The following CREB5 variants were observed in gnomAD, a reference collection of about 807,000 sequenced individuals.
CREB5 encodes cyclic AMP-responsive element-binding protein 5.
In CREB5, 19 loss-of-function variants were observed where a neutral mutation model predicts 57.1. The observed-to-expected ratio is 0.33, with a 90% CI of 0.23 to 0.49. CREB5 has a LOEUF of 0.49. Ranked by LOEUF, CREB5 falls within the 20% of genes least tolerant of loss-of-function variation. The pLI is 0.99. For missense variants in CREB5, 579 were observed against 671.6 expected (o/e 0.86, Z 1.52); for synonymous variants, 238 against 238.3 (o/e 1.00, Z 0.01).
intron 5 of CREB5, among the ~76,000 whole-genome samples, chr7:28,665,991 A>G (rs900607924): frequency 2.9e-4 from 44 of 152,348 alleles, no homozygotes; most frequent in African/African-American, 1.0e-3. Context: ...TAAACTTTCT[A>G]AAGAAAAAAC....
chr7:28,489,311 T>TTTG (rs1791700332), intron 2 of CREB5, among the ~76,000 whole-genome samples: 1 of 146,240 alleles, frequency 6.8e-6, no homozygotes, highest in South Asian at 2.2e-4. Flanking sequence ...TTTTTTTTTT[T>TTTG]TTTTTTGAGA....
At chr7:28,435,086 C>T (rs1023165570) in intron 1 of CREB5, among the ~76,000 whole-genome samples, 3 of 142,212 alleles carry the variant, frequency 2.1e-5, no homozygotes, top group African/African-American at 7.9e-5. Context: ...ACCTAGGCCA[C>T]CTGGCTTTTT....
intron 1 of CREB5, among the ~76,000 whole-genome samples, chr7:28,455,933 A>G (rs1790075862): frequency 6.6e-6 from 1 of 152,202 alleles, no homozygotes; most frequent in Non-Finnish European, 1.5e-5. Context: ...GACAATGGAC[A>G]GATAACTTCC....
chr7:28,306,555 GTTTTTTTTTTTT>G (rs869277871), intron 1 of CREB5, among the ~76,000 whole-genome samples: 1 of 58,086 alleles, frequency 1.7e-5, no homozygotes, highest in Non-Finnish European at 3.1e-5. Flanking sequence ...TGTTTTTTTT[GTTTTTTTTTTTT>G]TTTTTTTTTT....
intron 4 of CREB5, among the ~76,000 whole-genome samples, chr7:28,541,592 G>A (rs531415274): frequency 3.9e-5 from 6 of 152,226 alleles, no homozygotes; most frequent in Non-Finnish European, 7.4e-5. Flanking sequence ...ACTTGAACCC[G>A]GGAGGCAGAG....
chr7:28,502,908 A>G (rs1191036032), intron 3 of CREB5, among the ~76,000 whole-genome samples: 1 of 152,226 alleles, frequency 6.6e-6, no homozygotes, highest in Non-Finnish European at 1.5e-5. Flanking sequence ...TCTGAAAGGG[A>G]GTAAGGTAGC....
intron 1 of CREB5, among the ~76,000 whole-genome samples, chr7:28,463,732 T>C (rs1002768774): frequency 2.0e-5 from 3 of 152,182 alleles, no homozygotes; most frequent in South Asian, 2.1e-4. Context: ...TGCTGGTGTA[T>C]AGAAACACAA....
intron 1 of CREB5, among the ~76,000 whole-genome samples, chr7:28,459,542 G>T (rs1321175137): frequency 6.6e-6 from 1 of 152,162 alleles, no homozygotes; most frequent in African/African-American, 2.4e-5. Context: ...GTTAGCTCAT[G>T]GGTTACATCC....
chr7:28,368,533 A>G (rs1486646898), intron 1 of CREB5, among the ~76,000 whole-genome samples: 1 of 151,910 alleles, frequency 6.6e-6, no homozygotes, highest in Non-Finnish European at 1.5e-5. Flanking sequence ...AATCACATGG[A>G]CCCTCTCCTT....
intron 5 of CREB5, among the ~76,000 whole-genome samples, chr7:28,582,951 T>A (rs1796173853): frequency 6.6e-6 from 1 of 152,176 alleles, no homozygotes; most frequent in Non-Finnish European, 1.5e-5. Context: ...AACATTGTAA[T>A]GTGAAATCTA....
At chr7:28,316,392 C>T (rs1181606429) in intron 1 of CREB5, among the ~76,000 whole-genome samples, 2 of 150,616 alleles carry the variant, frequency 1.3e-5, no homozygotes, top group African/African-American at 2.4e-5. Flanking sequence ...ACTGCTGGGC[C>T]AGAAAAAAAG....
At chr7:28,669,166 T>C (rs1394557999) in intron 5 of CREB5, among the ~76,000 whole-genome samples, 1 of 152,128 alleles carries the variant, frequency 6.6e-6, no homozygotes, top group African/African-American at 2.4e-5. Context: ...ATTAGCAAAG[T>C]TGTAGATGTA....
chr7:28,352,624 A>G (rs999289048), intron 1 of CREB5, among the ~76,000 whole-genome samples: 3 of 152,192 alleles, frequency 2.0e-5, no homozygotes, highest in Admixed American at 6.5e-5. Context: ...GATGACTGCC[A>G]CAATCTCAGA....
rs1562797827 is a variant in CREB5 at position 28,560,919 on chromosome 7, T to TGCGTGCGCGCGTGTGCGTGC, written c.292-9445_292-9444insCGTGCGCGCGTGTGCGTGCG. On this transcript the variant is annotated intron_variant, in intron 4 of 10. Transcript: ENST00000357727. ...GTGCGTGCGCGCGTGCGTGTGCGTG[T>TGCGTGCGCGCGTGTGCGTGC]GTGCGCGTGCGTGTGTGCGTGCGTG... 2.3e-4 allele frequency among the ~76,000 whole-genome samples: 10 copies of TGCGTGCGCGCGTGTGCGTGC among 42,992 alleles called. 1 individual carries two copies. Among genetic ancestry groups the TGCGTGCGCGCGTGTGCGTGC allele is most frequent in the South Asian group, 9.6e-4 (1 of 1,046 alleles). The allele number at this position is 42,992 out of a possible 152,430, so 28.2% of individuals were successfully genotyped here.
At chr7:28,501,126 A>G (rs775230156) in intron 3 of CREB5, among the ~76,000 whole-genome samples, 1 of 152,132 alleles carries the variant, frequency 6.6e-6, no homozygotes, top group Non-Finnish European at 1.5e-5. Flanking sequence ...CAAAGTCCAT[A>G]TATGTCTGTA....
At chr7:28,662,166 A>C (rs1196562586) in intron 5 of CREB5, among the ~76,000 whole-genome samples, 1 of 152,188 alleles carries the variant, frequency 6.6e-6, no homozygotes, top group Non-Finnish European at 1.5e-5. Flanking sequence ...AGCAGAAGAA[A>C]AGCCAGGTCA....
At chr7:28,800,003 A>G (rs1808271119) in intron 7 of CREB5, among the ~76,000 whole-genome samples, 1 of 152,342 alleles carries the variant, frequency 6.6e-6, no homozygotes, top group East Asian at 1.9e-4. Flanking sequence ...TCAGTGTATC[A>G]TATGTATCAG....
chr7:28,818,045 A>G (rs1244150355), intron 9 of CREB5, 26 bp from the exon 10 acceptor site: 1 of 1,585,550 alleles, frequency 6.3e-7, no homozygotes. Flanking sequence ...TCTTCTCAAC[A>G]TGGTTTTAAT....
rs1204223231 is a variant in CREB5 at position 28,737,570 on chromosome 7, TATATATATATA to T, written c.702+13239_702+13249del. ...ATATATATATATATATATATATATATATATATATATATATATATTTTTAACTCCTGTTTCAA... is the reference window on the plus strand; with the variant it reads ...ATATATATATATATATATATATATATTATATATTTTTAACTCCTGTTTCAA... On this transcript the variant is annotated intron_variant, in intron 7 of 10. Transcript: ENST00000357727. Among the ~76,000 whole-genome samples the T allele has an allele frequency of 2.5e-3, 120 of 47,976 alleles. 1 individual carries two copies. The highest frequency in any genetic ancestry group is 6.4e-3 in the African/African-American group (92 of 14,352). The allele number at this position is 47,976 out of a possible 152,430, so 31.5% of individuals were successfully genotyped here.
Sources: gnomAD v4.1 joint callset for allele counts (sites outside exome capture counted in the v4.1 genomes callset) on GRCh38, gnomAD v4.1.1 for gene constraint, MANE v1.5 for transcripts, NCBI Gene and HGNC (gene_info 2026-07-23, HGNC 2026-07-21) for gene names.